The following TBC1D12 variants were observed in gnomAD, a reference collection of about 807,000 sequenced individuals.
TBC1D12 encodes TBC1 domain family member 12.
TBC1D12 carries 56 observed loss-of-function variants against 86.7 expected under a neutral mutation model. That is an observed-to-expected ratio of 0.65 (90% CI 0.52 to 0.81). TBC1D12 has a LOEUF of 0.81. TBC1D12 is among the 30% of genes least tolerant of loss of function. The pLI, the probability that TBC1D12 is intolerant of heterozygous loss-of-function variation, is 0.00. For missense variants in TBC1D12, 1,023 were observed against 1,038.8 expected, an observed-to-expected ratio of 0.98 and a Z score of 0.21; for synonymous variants, 421 against 411.7, an observed-to-expected ratio of 1.02 and a Z score of -0.27.
chr10:94,484,177 T>A (rs1185434002), intron 3 of TBC1D12, among the ~76,000 whole-genome samples: 2 of 152,212 alleles, frequency 1.3e-5, no homozygotes, highest in Non-Finnish European at 2.9e-5. Context: ...GCTGTTTTGG[T>A]TACTGTAGCT....
chr10:94,486,416 C>CT (rs2056164104), intron 3 of TBC1D12, among the ~76,000 whole-genome samples: 1 of 149,878 alleles, frequency 6.7e-6, no homozygotes, highest in Non-Finnish European at 1.5e-5. Flanking sequence ...AGTTTTTCTT[C>CT]TTTTTTGATG....
chr10:94,489,218 G>A (rs2056213789), intron 3 of TBC1D12, among the ~76,000 whole-genome samples: 1 of 152,202 alleles, frequency 6.6e-6, no homozygotes, highest in Non-Finnish European at 1.5e-5. Flanking sequence ...GGCTAGTGCT[G>A]TTCAAAATGC....
chr10:94,408,056 G>T (rs2054880740), intron 1 of TBC1D12, among the ~76,000 whole-genome samples: 1 of 152,176 alleles, frequency 6.6e-6, no homozygotes, highest in Non-Finnish European at 1.5e-5. Flanking sequence ...TACATAGATA[G>T]ACTCTTTCAT....
rs559513251 is a variant in TBC1D12 at position 94,408,176 on chromosome 10, G to A, written c.971+4592G>A. ...CATAGACACTTATCTGTGTTTCCTG[G>A]TAGTGCTGATTTTTTTTCCCAAGTC... On this transcript the variant is annotated intron_variant, in intron 1 of 12. Transcript: ENST00000225235. Among the ~76,000 whole-genome samples, 361 of 152,232 alleles carry A rather than the reference G, an allele frequency of 2.4e-3. 4 individuals are homozygous for A. Among genetic ancestry groups the A allele is most frequent in the Middle Eastern group, 6.8e-3 (2 of 294 alleles).
Position 94,402,651 on chromosome 10 carries a change from G to T in TBC1D12, c.38G>T (p.Arg13Ile). The T allele has an allele frequency of 6.2e-7, 1 of 1,611,626 alleles. No homozygotes were observed. Among genetic ancestry groups the T allele is most frequent in the Non-Finnish European group, 8.5e-7 (1 of 1,179,548 alleles). Residue 13 changes from arginine (R) to isoleucine (I), a missense_variant, in exon 1 of 13, where the codon AGA becomes ATA. Around this residue, in one of 2 missense-constraint regions of TBC1D12, gnomAD observed 628 missense variants for 531.1 expected, o/e 1.18. Coordinates refer to ENST00000225235, the MANE Select transcript of TBC1D12 (RefSeq NM_015188.2). ...GPEDAGACSG[R>I]NPKLLPVPAP... Reference sequence around the variant, plus strand: ...GAGGATGCCGGAGCCTGCTCGGGAAGAAACCCCAAGTTGCTCCCGGTGCCT... The same window carrying T: ...GAGGATGCCGGAGCCTGCTCGGGAATAAACCCCAAGTTGCTCCCGGTGCCT...
rs1309035649 is a variant in TBC1D12 at position 94,402,565 on chromosome 10, C to T, written c.-49C>T. 1.1e-5 allele frequency: 17 copies of T among 1,599,382 alleles called. No homozygotes were observed. The highest frequency in any genetic ancestry group is 1.4e-5 in the Non-Finnish European group (17 of 1,173,080). ...CAGAGCTGTTCTCTGGCCAAGCCTG[C>T]GCCTGTAGTCCTTCTTTGCCTCCTG... is the stretch of plus-strand genomic sequence containing the variant. On this transcript the variant is annotated 5_prime_UTR_variant, in exon 1 of 13. Coordinates refer to ENST00000225235, the MANE Select transcript of TBC1D12 (RefSeq NM_015188.2).
chr10:94,410,787 T>G (rs1357613985), intron 1 of TBC1D12, among the ~76,000 whole-genome samples: 1 of 152,162 alleles, frequency 6.6e-6, no homozygotes, highest in African/African-American at 2.4e-5. Flanking sequence ...GTAACTTGGT[T>G]TTTGTCCTAG....
chr10:94,508,863 C>G (rs1256881840), intron 7 of TBC1D12: 1 of 152,038 alleles, frequency 6.6e-6, no homozygotes, highest in African/African-American at 2.4e-5. Flanking sequence ...GGTTGTAAGT[C>G]ACATTTTCTG....
chr10:94,517,197 C>T (rs141736187), intron 9 of TBC1D12, among the ~76,000 whole-genome samples: 3 of 152,180 alleles, frequency 2.0e-5, no homozygotes, highest in African/African-American at 7.2e-5. Context: ...TGCCAACATG[C>T]CAAAATCCTG....
At chr10:94,467,266 G>GT (rs1412658638) in intron 2 of TBC1D12, among the ~76,000 whole-genome samples, 1 of 152,030 alleles carries the variant, frequency 6.6e-6, no homozygotes, top group South Asian at 2.1e-4. Context: ...GAGTTTCGCT[G>GT]TTGTTGCCCA....
chr10:94,518,580 G>A (rs1196876174), intron 9 of TBC1D12, among the ~76,000 whole-genome samples: 2 of 152,158 alleles, frequency 1.3e-5, no homozygotes, highest in East Asian at 1.9e-4. Flanking sequence ...ATTCAGGTTA[G>A]ACAGTTTTGT....
At chr10:94,426,186 G>T (rs566908570) in intron 1 of TBC1D12, among the ~76,000 whole-genome samples, 3 of 152,188 alleles carry the variant, frequency 2.0e-5, no homozygotes, top group Admixed American at 6.5e-5. Context: ...AGGGCTTTCA[G>T]TATGATTTTG....
intron 1 of TBC1D12, among the ~76,000 whole-genome samples, chr10:94,435,897 G>A (rs916622452): frequency 7.9e-5 from 12 of 152,126 alleles, no homozygotes; most frequent in Admixed American, 6.5e-5. Flanking sequence ...ATTGCTAGCC[G>A]GAGGTCCCGA....
chr10:94,422,259 AGCTAACT>A (rs2055085498), intron 1 of TBC1D12, among the ~76,000 whole-genome samples: 1 of 139,638 alleles, frequency 7.2e-6, no homozygotes. Flanking sequence ...TCGCGATCTC[AGCTAACT>A]GCAACCTCCG....
chr10:94,465,415 A>G (rs2134128937), intron 2 of TBC1D12, among the ~76,000 whole-genome samples: 1 of 152,276 alleles, frequency 6.6e-6, no homozygotes, highest in African/African-American at 2.4e-5. Flanking sequence ...TGGGAGGATG[A>G]GGCAGGTGGA....
intron 12 of TBC1D12, among the ~76,000 whole-genome samples, chr10:94,531,881 G>GTTATA (rs1338683246): frequency 6.8e-6 from 1 of 147,570 alleles, no homozygotes; most frequent in Non-Finnish European, 1.5e-5. Flanking sequence ...GTTATGTTAT[G>GTTATA]TTATGTTATG....
chr10:94,467,206 CAAGTGTGTAGTCG>C (rs2055836973), intron 2 of TBC1D12, among the ~76,000 whole-genome samples: 1 of 152,098 alleles, frequency 6.6e-6, no homozygotes, highest in Admixed American at 6.6e-5. Context: ...TTCCTTTGCA[CAAGTGTGTAGTCG>C]AGTTTTTTTT....
At chr10:94,428,153 C>T (rs2055171072) in intron 1 of TBC1D12, among the ~76,000 whole-genome samples, 1 of 152,058 alleles carries the variant, frequency 6.6e-6, no homozygotes, top group South Asian at 2.1e-4. Flanking sequence ...AGACCTGTTT[C>T]AAACACTTAG....
intron 11 of TBC1D12, among the ~76,000 whole-genome samples, chr10:94,525,969 C>T (rs1158645315): frequency 6.6e-6 from 1 of 152,066 alleles, no homozygotes; most frequent in Admixed American, 6.6e-5. Context: ...GTATAGTTGT[C>T]CTATTTGAAA....
Sources: gnomAD v4.1 joint callset for allele counts (sites outside exome capture counted in the v4.1 genomes callset) on GRCh38, gnomAD v4.1.1 for gene constraint, gnomAD v4.1.1 regional missense constraint, MANE v1.5 for transcripts, NCBI Gene and HGNC (gene_info 2026-07-23, HGNC 2026-07-21) for gene names.